Variants in GRM5 observed in about 807,000 individuals in gnomAD.
GRM5 encodes glutamate metabotropic receptor 5, also known as metabotropic glutamate receptor 5.
GRM5 carries 19 observed loss-of-function variants against 83.1 expected under a neutral mutation model. The ratio of observed to expected loss-of-function variants is 0.23; its 90% CI spans 0.16 to 0.34. The LOEUF (loss-of-function observed/expected upper bound fraction) is 0.34. Among genes scored for constraint, GRM5 ranks in the 10% least tolerant of loss-of-function variants. The pLI, the probability that GRM5 is intolerant of heterozygous loss-of-function variation, is 1.00. For missense variants in GRM5, 1,160 were observed against 1,588.3 expected (o/e 0.73, Z 4.58); for synonymous variants, 675 against 633.6 (o/e 1.07, Z -0.98).
chr11:88,739,334 C>T (rs1427058892), intron 3 of GRM5, among the ~76,000 whole-genome samples: 3 of 152,098 alleles, frequency 2.0e-5, no homozygotes, highest in Non-Finnish European at 2.9e-5. Flanking sequence ...AAACTATTAA[C>T]TAATCCATTG....
At position 88,974,413 on chromosome 11, in the gene GRM5, A is replaced by ATAGATAGATAGATAGG. The variant is rs1284568963; in HGVS notation, c.661+72798_661+72799insCCTATCTATCTATCTA. Among the ~76,000 whole-genome samples the ATAGATAGATAGATAGG allele has an allele frequency of 2.6e-4, 40 of 151,798 alleles. 1 individual carries two copies. Among genetic ancestry groups the ATAGATAGATAGATAGG allele is most frequent in the African/African-American group, 9.2e-4 (38 of 41,386 alleles). ...GATAGATAGATAGATAGATAGATAG[A>ATAGATAGATAGATAGG]TAGATAGATAATCTGTATTTAGAGA... On this transcript the variant is annotated intron_variant, in intron 2 of 9. Transcript: ENST00000305447.
At chr11:88,656,770 A>G (rs974773505) in intron 3 of GRM5, among the ~76,000 whole-genome samples, 5 of 152,152 alleles carry the variant, frequency 3.3e-5, no homozygotes, top group African/African-American at 1.2e-4. Flanking sequence ...AATTGAAAAT[A>G]TTTGGAAAAA....
intron 2 of GRM5, among the ~76,000 whole-genome samples, chr11:88,918,231 A>G (rs1406104059): frequency 6.6e-6 from 1 of 151,912 alleles, no homozygotes; most frequent in Non-Finnish European, 1.5e-5. Context: ...AAACAAACAA[A>G]AAAATCTTTT....
intron 3 of GRM5, among the ~76,000 whole-genome samples, chr11:88,693,409 C>G (rs967107727): frequency 6.6e-6 from 1 of 152,162 alleles, no homozygotes; most frequent in Non-Finnish European, 1.5e-5. Context: ...TTCGAGGAAG[C>G]AGAACCTGGG....
At chr11:88,558,527 G>C (rs1397694243) in intron 8 of GRM5, among the ~76,000 whole-genome samples, 2 of 152,078 alleles carry the variant, frequency 1.3e-5, no homozygotes, top group Non-Finnish European at 2.9e-5. Context: ...TGTTCTAAGG[G>C]GAGAGAGTGG....
intron 2 of GRM5, among the ~76,000 whole-genome samples, chr11:88,974,294 G>A (rs1160973230): frequency 6.6e-6 from 1 of 151,956 alleles, no homozygotes; most frequent in African/African-American, 2.4e-5. Context: ...CCAGCTTCTG[G>A]AGTAGATATG....
chr11:88,839,555 A>T (rs1944158803), intron 3 of GRM5, among the ~76,000 whole-genome samples: 1 of 152,214 alleles, frequency 6.6e-6, no homozygotes, highest in South Asian at 2.1e-4. Flanking sequence ...ACACAGAAAT[A>T]CAAGTGCTTT....
intron 2 of GRM5, among the ~76,000 whole-genome samples, chr11:89,032,193 CATCA>C (rs1941278282): frequency 1.3e-5 from 2 of 151,992 alleles, no homozygotes; most frequent in South Asian, 4.1e-4. Context: ...GCAGTAGCAG[CATCA>C]ATCATTTTAC....
chr11:89,056,335 A>T (rs1476207065), intron 1 of GRM5, among the ~76,000 whole-genome samples: 1 of 152,168 alleles, frequency 6.6e-6, no homozygotes. Flanking sequence ...TTGCTTCTAT[A>T]TAAGTTCCTG....
chr11:89,064,941 G>A (rs3016202), intron 1 of GRM5, among the ~76,000 whole-genome samples: 5,733 of 30,756 alleles, frequency 0.19, 475 homozygotes, highest in Middle Eastern at 0.29. Context: ...AGAGAGAGAG[G>A]GAGAGAGAGA....
At chr11:88,845,200 G>A (rs1040194871) in intron 3 of GRM5, among the ~76,000 whole-genome samples, 2 of 151,936 alleles carry the variant, frequency 1.3e-5, no homozygotes, top group African/African-American at 2.4e-5. Context: ...TTAAGAAATT[G>A]CCACAGCCAC....
intron 8 of GRM5, among the ~76,000 whole-genome samples, chr11:88,541,617 T>C (rs1198059773): frequency 1.3e-5 from 2 of 152,232 alleles, no homozygotes; most frequent in East Asian, 1.9e-4. Flanking sequence ...TTAATTAACA[T>C]GGATTTTATT....
intron 3 of GRM5, among the ~76,000 whole-genome samples, chr11:88,710,869 GA>G (rs538303499): frequency 5.7e-4 from 86 of 152,114 alleles, no homozygotes; most frequent in African/African-American, 2.0e-3. Flanking sequence ...CAGTAATGCT[GA>G]AAAATGAATT....
intron 2 of GRM5, among the ~76,000 whole-genome samples, chr11:89,036,167 G>A (rs1325013168): frequency 6.6e-6 from 1 of 151,942 alleles, no homozygotes; most frequent in African/African-American, 2.4e-5. Flanking sequence ...TCACAGCTCT[G>A]GAACTGTCCA....
rs540003983 is a variant in GRM5 at position 88,517,454 on chromosome 11, A to G, written c.2726+7855T>C. 7.7e-4 allele frequency among the ~76,000 whole-genome samples: 117 copies of G among 152,266 alleles called. 2 individuals are homozygous for G. The highest frequency in any genetic ancestry group is 2.8e-3 in the African/African-American group (116 of 41,576). ...AGTTTTAAAAAATGATTAATAATAAATAACATTTGTGTTGAAGAATCAGTT... is the reference window on the plus strand; with the variant it reads ...AGTTTTAAAAAATGATTAATAATAAGTAACATTTGTGTTGAAGAATCAGTT... On this transcript the variant is annotated intron_variant, in intron 9 of 9. Coordinates refer to ENST00000305447, the MANE Select transcript of GRM5 (RefSeq NM_001143831.3).
intron 4 of GRM5, among the ~76,000 whole-genome samples, chr11:88,643,874 A>AAC (rs1489822026): frequency 7.2e-5 from 11 of 152,208 alleles, no homozygotes; most frequent in Non-Finnish European, 1.3e-4. Context: ...GGCAGAAGAC[A>AAC]ACATTCTGAT....
At chr11:88,883,846 G>C (rs1337681060) in intron 2 of GRM5, among the ~76,000 whole-genome samples, 1 of 152,120 alleles carries the variant, frequency 6.6e-6, no homozygotes, top group Non-Finnish European at 1.5e-5. Flanking sequence ...ACATGGTGTT[G>C]GGACTGTGGG....
Position 88,990,235 on chromosome 11 carries a change from T to C in GRM5, c.661+56977A>G, listed in dbSNP as rs962929647. On this transcript the variant is annotated intron_variant, in intron 2 of 9. Transcript: ENST00000305447. ...ACCATCAGAGAATACTACAAACACC[T>C]CTATGCAAATAAACTCGAAAATCTA... 6.6e-5 allele frequency among the ~76,000 whole-genome samples: 10 copies of C among 151,950 alleles called. No individual in the cohort carries two copies. The East Asian group carries it at 7.7e-4, about 12-fold the overall frequency.
intron 2 of GRM5, among the ~76,000 whole-genome samples, chr11:89,045,795 A>G (rs1384739767): frequency 6.6e-6 from 1 of 152,166 alleles, no homozygotes; most frequent in Non-Finnish European, 1.5e-5. Context: ...ACATACCTTT[A>G]CAATTGGCCT....
Sources: gnomAD v4.1 joint callset for allele counts (sites outside exome capture counted in the v4.1 genomes callset) on GRCh38, gnomAD v4.1.1 for gene constraint, MANE v1.5 for transcripts, NCBI Gene and HGNC (gene_info 2026-07-23, HGNC 2026-07-21) for gene names.